ZMIZ1: variants seen among roughly 807,000 people sequenced by gnomAD.
The protein encoded by ZMIZ1 is zinc finger MIZ-type containing 1, also known as zinc finger MIZ domain-containing protein 1.
A neutral mutation model predicts 113.9 loss-of-function variants in ZMIZ1; 17 were observed. The ratio of observed to expected loss-of-function variants is 0.15; its 90% CI spans 0.10 to 0.22. The LOEUF is 0.22. Ranked by LOEUF, ZMIZ1 falls within the 10% of genes least tolerant of loss-of-function variation. The pLI is 1.00. For missense variants in ZMIZ1, 1,059 were observed against 1,477.8 expected, an observed-to-expected ratio of 0.72 and a Z score of 4.65; for synonymous variants, 607 against 603.1, an observed-to-expected ratio of 1.01 and a Z score of -0.09.
At chr10:79,208,580 G>C in intron 6 of ZMIZ1, 131 bp downstream of exon 6, 1 of 749,264 alleles carries the variant, frequency 1.3e-6, no homozygotes, top group Non-Finnish European at 2.2e-6. Context: ...GGAAGACACT[G>C]GTGCTGGGGG....
chr10:79,173,264 T>C (rs1477121056), intron 4 of ZMIZ1, among the ~76,000 whole-genome samples: 1 of 152,226 alleles, frequency 6.6e-6, no homozygotes, highest in Non-Finnish European at 1.5e-5. Flanking sequence ...TCGTAAACTT[T>C]CTTAAAACAT....
chr10:79,238,024 G>A (rs1000551327), intron 7 of ZMIZ1, among the ~76,000 whole-genome samples: 1 of 152,208 alleles, frequency 6.6e-6, no homozygotes, highest in Non-Finnish European at 1.5e-5. Context: ...CTCCGCCCTA[G>A]CCCTGGGGGC....
rs755677458 is a variant in ZMIZ1, at chr10:79,253,049, A to C, written c.281-24132A>C. ...AAAGACACATCCCCTCCCCTCTGGG[A>C]GCTTAAAAGTCCCAGAATTAAGATG... On this transcript the variant is annotated intron_variant, in intron 7 of 24. Coordinates refer to ENST00000334512, the MANE Select transcript of ZMIZ1 (RefSeq NM_020338.4). 4.7e-4 allele frequency among the ~76,000 whole-genome samples: 72 copies of C among 152,232 alleles called. 1 individual carries two copies. Among genetic ancestry groups the C allele is most frequent in the Middle Eastern group, 6.8e-3 (2 of 292 alleles).
intron 7 of ZMIZ1, among the ~76,000 whole-genome samples, chr10:79,244,176 G>C (rs1850053412): frequency 6.6e-6 from 1 of 152,262 alleles, no homozygotes; most frequent in Non-Finnish European, 1.5e-5. Context: ...CCAGCGCGTA[G>C]AGACCCCACG....
intron 1 of ZMIZ1, among the ~76,000 whole-genome samples, chr10:79,082,143 T>C (rs1326255180): frequency 1.3e-5 from 2 of 152,210 alleles, no homozygotes. Context: ...GGGACTCACC[T>C]TCCTCATTTT....
rs772108777 is a variant in ZMIZ1, at chr10:79,299,043, GC to G, written c.1667-3del. 1.2e-6 allele frequency: 2 copies of G among 1,602,044 alleles called. No individual in the cohort carries two copies. Among genetic ancestry groups the G allele is most frequent in the Admixed American group, 1.7e-5 (1 of 59,338 alleles). On this transcript the variant is annotated splice_region_variant and splice_polypyrimidine_tract_variant and intron_variant, in intron 15 of 24. Coordinates refer to ENST00000334512, the MANE Select transcript of ZMIZ1 (RefSeq NM_020338.4). ...TGTGGCTCACCCACCTCCTCTCCTCGCCCCAGCCAACCACAATGACGAGCTG... is the reference window on the plus strand; with the variant it reads ...TGTGGCTCACCCACCTCCTCTCCTCGCCCAGCCAACCACAATGACGAGCTG...
At chr10:79,229,813 C>A (rs1042425468) in intron 7 of ZMIZ1, among the ~76,000 whole-genome samples, 15 of 152,128 alleles carry the variant, frequency 9.9e-5, no homozygotes, top group African/African-American at 3.6e-4. Flanking sequence ...GGTGGGGAAG[C>A]AGAGAGGCGG....
At chr10:79,183,103 G>A (rs1253679177) in intron 4 of ZMIZ1, among the ~76,000 whole-genome samples, 1 of 152,220 alleles carries the variant, frequency 6.6e-6, no homozygotes, top group East Asian at 1.9e-4. Flanking sequence ...GGACTGGCCA[G>A]ACTGCTGGCA....
rs115683804 is a variant in ZMIZ1, at chr10:79,227,659, G to A, written c.280+11385G>A. On this transcript the variant is annotated intron_variant, in intron 7 of 24. Coordinates refer to ENST00000334512, the MANE Select transcript of ZMIZ1 (RefSeq NM_020338.4). ...TGCGTGAGAAATTTTATTCCAGCCT[G>A]TTGGCATTCATGCTCTCTGAAATGC... Among the ~76,000 whole-genome samples, 624 of 152,334 alleles carry A rather than the reference G, an allele frequency of 4.1e-3. 8 individuals are homozygous for A. The highest frequency in any genetic ancestry group is 0.014 in the African/African-American group (573 of 41,558).
chr10:79,225,505 G>C (rs1849164501), intron 7 of ZMIZ1, among the ~76,000 whole-genome samples: 1 of 151,962 alleles, frequency 6.6e-6, no homozygotes, highest in Admixed American at 6.6e-5. Context: ...TGAGGTGGGA[G>C]GATCACTTGA....
At chr10:79,164,981 C>T (rs1249153459) in intron 4 of ZMIZ1, among the ~76,000 whole-genome samples, 1 of 152,152 alleles carries the variant, frequency 6.6e-6, no homozygotes, top group African/African-American at 2.4e-5. Context: ...CGCTGACTGG[C>T]CCCATTGCAT....
chr10:79,115,727 C>T (rs572112559), intron 1 of ZMIZ1, among the ~76,000 whole-genome samples: 18 of 152,296 alleles, frequency 1.2e-4, no homozygotes, highest in African/African-American at 2.9e-4. Flanking sequence ...AATGTGGGGG[C>T]GAGAGGCCCT....
intron 4 of ZMIZ1, among the ~76,000 whole-genome samples, chr10:79,195,313 C>G (rs535239237): frequency 6.6e-6 from 1 of 152,362 alleles, no homozygotes; most frequent in East Asian, 1.9e-4. Flanking sequence ...TCCTGATCCC[C>G]CATGCTGATT....
intron 7 of ZMIZ1, among the ~76,000 whole-genome samples, chr10:79,257,484 A>C (rs1250531): frequency 0.73 from 110,439 of 152,176 alleles, 40,389 homozygotes; most frequent in East Asian, 0.92. Context: ...AGTCAGGGGA[A>C]CATCGGTGTT....
intron 7 of ZMIZ1, among the ~76,000 whole-genome samples, chr10:79,269,887 C>T (rs1367340116): frequency 1.3e-5 from 2 of 152,212 alleles, no homozygotes; most frequent in East Asian, 1.9e-4. Flanking sequence ...AGCGTACCTG[C>T]TCCCCGTGAC....
chr10:79,160,730 G>A (rs1437660841), intron 3 of ZMIZ1, among the ~76,000 whole-genome samples: 5 of 152,252 alleles, frequency 3.3e-5, no homozygotes, highest in African/African-American at 1.2e-4. Flanking sequence ...GTGAGGTGGA[G>A]CCCAGGCTGA....
intron 7 of ZMIZ1, among the ~76,000 whole-genome samples, chr10:79,238,263 C>T (rs964104548): frequency 6.6e-6 from 1 of 152,030 alleles, no homozygotes; most frequent in Non-Finnish European, 1.5e-5. Context: ...TGTGGGGCAC[C>T]GGGTGGTATT....
At chr10:79,257,512 C>A (rs1850993045) in intron 7 of ZMIZ1, among the ~76,000 whole-genome samples, 1 of 152,220 alleles carries the variant, frequency 6.6e-6, no homozygotes, top group South Asian at 2.1e-4. Context: ...GCTTGGCCTG[C>A]AGAGCTGGGG....
intron 7 of ZMIZ1, among the ~76,000 whole-genome samples, chr10:79,257,783 C>G (rs1311998968): frequency 6.6e-6 from 1 of 152,232 alleles, no homozygotes; most frequent in East Asian, 1.9e-4. Context: ...CAGGTTCTAT[C>G]CCTGCCACTT....
Sources: gnomAD v4.1 joint callset for allele counts (sites outside exome capture counted in the v4.1 genomes callset) on GRCh38, gnomAD v4.1.1 for gene constraint, MANE v1.5 for transcripts, NCBI Gene and HGNC (gene_info 2026-07-23, HGNC 2026-07-21) for gene names.